Variants in TMEM178B observed in about 807,000 individuals in gnomAD.
TMEM178B encodes transmembrane protein 178B.
TMEM178B carries 5 observed loss-of-function variants against 31.0 expected under a neutral mutation model. The ratio of observed to expected loss-of-function variants is 0.16; its 90% CI spans 0.08 to 0.34. TMEM178B has a LOEUF of 0.34. Among genes scored for constraint, TMEM178B ranks in the 10% least tolerant of loss-of-function variants. TMEM178B has a pLI of 1.00. For synonymous variants in TMEM178B, 164 were observed against 164.0 expected (o/e 1.00, Z 0.00); for missense variants, 275 against 400.3 (o/e 0.69, Z 2.67).
chr7:141,168,798 T>C (rs752708472), intron 1 of TMEM178B, among the ~76,000 whole-genome samples: 7 of 152,238 alleles, frequency 4.6e-5, no homozygotes, highest in Non-Finnish European at 1.0e-4. Flanking sequence ...AAGAAGATGA[T>C]TCCTCCTGGA....
intron 2 of TMEM178B, among the ~76,000 whole-genome samples, chr7:141,365,931 T>G (rs1799996299): frequency 6.6e-6 from 1 of 152,252 alleles, no homozygotes; most frequent in Non-Finnish European, 1.5e-5. Context: ...CAATTCACCC[T>G]GCAACAGTGA....
chr7:141,093,878 G>A (rs1027060650), intron 1 of TMEM178B, among the ~76,000 whole-genome samples: 1 of 152,148 alleles, frequency 6.6e-6, no homozygotes, highest in Non-Finnish European at 1.5e-5. Flanking sequence ...TTCAGTGTTG[G>A]GGGTAAAAAC....
intron 2 of TMEM178B, among the ~76,000 whole-genome samples, chr7:141,218,100 A>G (rs1319013374): frequency 6.6e-6 from 1 of 151,710 alleles, no homozygotes; most frequent in Non-Finnish European, 1.5e-5. Flanking sequence ...AGACACACAG[A>G]CACGAGCTCA....
intron 2 of TMEM178B, among the ~76,000 whole-genome samples, chr7:141,417,785 G>A (rs755312768): frequency 8.5e-5 from 13 of 152,188 alleles, no homozygotes; most frequent in Non-Finnish European, 1.8e-4. Flanking sequence ...TTACATAGCA[G>A]TTACTTTGTG....
intron 2 of TMEM178B, among the ~76,000 whole-genome samples, chr7:141,324,044 T>C (rs188660256): frequency 9.2e-5 from 14 of 152,016 alleles, no homozygotes; most frequent in Non-Finnish European, 2.1e-4. Context: ...TTCAAGAAAC[T>C]GCCTGGAGGT....
chr7:141,366,608 T>C (rs73739811), intron 2 of TMEM178B, among the ~76,000 whole-genome samples: 18,418 of 152,198 alleles, frequency 0.12, 2,068 homozygotes, highest in African/African-American at 0.3. Context: ...TTCTTGTCTG[T>C]CTTTGGATTT....
At chr7:141,507,431 G>A in the TMEM178B span, among the ~76,000 whole-genome samples, 9 of 152,274 alleles carry the variant, frequency 5.9e-5, no homozygotes, top group South Asian at 1.2e-3. Context: ...GGAGGGCAGT[G>A]GCACGATCTT....
intron 1 of TMEM178B, among the ~76,000 whole-genome samples, chr7:141,079,092 G>A (rs2129170599): frequency 6.6e-6 from 1 of 152,310 alleles, no homozygotes; most frequent in African/African-American, 2.4e-5. Context: ...TTCGAGACCA[G>A]CCTCGCCAAC....
At chr7:141,196,491 G>A (rs1796785196) in intron 1 of TMEM178B, among the ~76,000 whole-genome samples, 1 of 152,158 alleles carries the variant, frequency 6.6e-6, no homozygotes, top group South Asian at 2.1e-4. Flanking sequence ...GATATAATCT[G>A]TTAGGTTTGC....
chr7:141,218,117 G>C (rs561521375), intron 2 of TMEM178B, among the ~76,000 whole-genome samples: 1 of 151,728 alleles, frequency 6.6e-6, no homozygotes, highest in Non-Finnish European at 1.5e-5. Flanking sequence ...CTCACTCATC[G>C]GCCCTGTGGC....
intron 2 of TMEM178B, among the ~76,000 whole-genome samples, chr7:141,244,886 C>T (rs12539896): frequency 0.38 from 57,436 of 151,182 alleles, 11,143 homozygotes; most frequent in Non-Finnish European, 0.41. Flanking sequence ...GCCTGTAATC[C>T]TAACATTTTG....
At chr7:141,160,997 A>G (rs963888847) in intron 1 of TMEM178B, among the ~76,000 whole-genome samples, 1 of 151,972 alleles carries the variant, frequency 6.6e-6, no homozygotes, top group Admixed American at 6.6e-5. Context: ...AGCTGGGATT[A>G]CAGGCATGCA....
chr7:141,346,107 G>C (rs1432506572), intron 2 of TMEM178B, among the ~76,000 whole-genome samples: 2 of 152,066 alleles, frequency 1.3e-5, no homozygotes, highest in Non-Finnish European at 2.9e-5. Context: ...TGTAGTCCCA[G>C]CTACTCGGGA....
At chr7:141,156,079 AC>A (rs1348286289) in intron 1 of TMEM178B, among the ~76,000 whole-genome samples, 2 of 151,994 alleles carry the variant, frequency 1.3e-5, no homozygotes, top group Non-Finnish European at 2.9e-5. Context: ...AACCAAAAAA[AC>A]CCCAAAACAA....
At chr7:141,492,169 T>G in the TMEM178B span, among the ~76,000 whole-genome samples, 1 of 152,144 alleles carries the variant, frequency 6.6e-6, no homozygotes, top group South Asian at 2.1e-4. Context: ...CCTCTAGCAA[T>G]GCCAGCATGT....
In TMEM178B at chr7:141,318,935, C is replaced by CAA. The variant is rs201694787; in HGVS notation, c.496+106239_496+106240dup. 6.9e-6 allele frequency among the ~76,000 whole-genome samples: 1 copy of CAA among 145,534 alleles called. No individual in the cohort carries two copies. Among genetic ancestry groups the CAA allele is most frequent in the African/African-American group, 2.5e-5 (1 of 39,446 alleles). ...AAGCTTGAATATGAGATATTTCTGC[C>CAA]AAAAAAAAATGAACAATTTTTACCA... On this transcript the variant is annotated intron_variant, in intron 2 of 3. Transcript: ENST00000565468. This position sits in a 1 kb window ranked among gnomAD's most constrained non-coding sequence, Gnocchi z 4.1.
At chr7:141,141,328 T>C (rs1262685126) in intron 1 of TMEM178B, among the ~76,000 whole-genome samples, 1 of 152,170 alleles carries the variant, frequency 6.6e-6, no homozygotes, top group Non-Finnish European at 1.5e-5. Context: ...CAAGATACTC[T>C]AGAATCATCT....
intron 2 of TMEM178B, among the ~76,000 whole-genome samples, chr7:141,242,643 G>A (rs1211945051): frequency 1.3e-5 from 2 of 150,460 alleles, no homozygotes; most frequent in African/African-American, 4.9e-5. Context: ...CCAGGTTCAA[G>A]TGATTCTCCT....
chr7:141,448,491 G>C (rs1801802069), intron 3 of TMEM178B, among the ~76,000 whole-genome samples: 1 of 152,196 alleles, frequency 6.6e-6, no homozygotes, highest in South Asian at 2.1e-4. Flanking sequence ...TGATGAAAGT[G>C]TTGGTGGATC....
Sources: allele counts gnomAD v4.1 joint callset (sites outside exome capture counted in the v4.1 genomes callset), GRCh38; gene constraint gnomAD v4.1.1; non-coding constraint Gnocchi (gnomAD v3.1); transcripts MANE v1.5; gene names NCBI Gene and HGNC (gene_info 2026-07-23, HGNC 2026-07-21).